Variants in TEKT2 observed in about 807,000 individuals in gnomAD.
TEKT2 encodes tektin-2.
TEKT2 carries 45 observed loss-of-function variants against 49.8 expected under a neutral mutation model. The observed-to-expected ratio is 0.90, with a 90% confidence interval of 0.71 to 1.16. TEKT2 has a LOEUF of 1.16. TEKT2 is among the 50% of genes most tolerant of loss of function. The pLI, the probability that TEKT2 is intolerant of heterozygous loss-of-function variation, is 0.00. For missense variants in TEKT2, 523 were observed against 551.4 expected (o/e 0.95, Z 0.52); for synonymous variants, 202 against 224.6 (o/e 0.90, Z 0.90).
rs1349964567 is a variant in TEKT2, at chr1:36,084,638, T to G, written c.-52-232T>G. On this transcript the variant is annotated intron_variant, in intron 1 of 9. Coordinates refer to ENST00000207457, the MANE Select transcript of TEKT2 (RefSeq NM_014466.3). The surrounding 1 kb of genome is among the most constrained non-coding windows in gnomAD (Gnocchi z 4.1). ...CTTCCGGGACTCCATTATTCCTTTT[T>G]ACCTGCTCCAGGACCTGCAAGGTCC... 3 of 551,966 alleles carry G rather than the reference T, an allele frequency of 5.4e-6. No homozygotes were observed. Among genetic ancestry groups the G allele is most frequent in the Non-Finnish European group, 9.8e-6 (3 of 307,266 alleles). The allele number at this position is 551,966 out of a possible 1,614,324, so 34.2% of individuals were successfully genotyped here. A position where few individuals can be genotyped will look rare whatever the true frequency, so the allele number is the denominator to read the frequency against.
Position 36,087,980 on chromosome 1 carries a change from C to G in TEKT2, c.1087C>G (p.Leu363Val). The G allele has an allele frequency of 1.2e-6, 2 of 1,609,914 alleles. No homozygotes were observed. Among genetic ancestry groups the G allele is most frequent in the Non-Finnish European group, 1.7e-6 (2 of 1,178,776 alleles). Residue 363 changes from leucine (L) to valine (V), a missense_variant, in exon 10 of 10, where the codon CTG (leucine) becomes GTG (valine). Physicochemically the swap from Leu to Val is conservative, Grantham distance 32 (BLOSUM62 1). Coordinates refer to ENST00000207457, the MANE Select transcript of TEKT2 (RefSeq NM_014466.3). This position sits in a 1 kb window ranked among gnomAD's most constrained non-coding sequence, Gnocchi z 4.9. ...KQKLAQAQDALDALCKHLARL... is the reference protein window; with the variant it reads ...KQKLAQAQDAVDALCKHLARL... Reference sequence around the variant, plus strand: ...GTCAATGTCCTTCCCTAGGGACGCACTGGACGCCCTGTGCAAGCACCTGGC... The same window carrying G: ...GTCAATGTCCTTCCCTAGGGACGCAGTGGACGCCCTGTGCAAGCACCTGGC...
rs894903279 is a variant in TEKT2 at position 36,087,624 on chromosome 1, G to T, written c.999+42G>T. ...GTGGCGCACGGGCCCCCTAGCCAAG[G>T]TTTTCTCATATTCCTGATGGAGCAA... On this transcript the variant is annotated intron_variant, in intron 8 of 9. Coordinates refer to ENST00000207457, the MANE Select transcript of TEKT2 (RefSeq NM_014466.3). The surrounding 1 kb of genome is among the most constrained non-coding windows in gnomAD (Gnocchi z 4.9). 6.2e-7 allele frequency: 1 copy of T among 1,613,428 alleles called. No individual in the cohort carries two copies. The highest frequency in any genetic ancestry group is 8.5e-7 in the Non-Finnish European group (1 of 1,179,934).
rs137953218 is a variant in TEKT2 at position 36,086,821 on chromosome 1, G to T, written c.606G>T (p.Lys202Asn). The T allele has an allele frequency of 1.2e-6, 2 of 1,614,008 alleles. No homozygotes were observed. Among genetic ancestry groups the T allele is most frequent in the Non-Finnish European group, 1.7e-6 (2 of 1,180,034 alleles). The part of the protein sequence containing the change: ...LNLRSPNISL[K>N]VDPTRVPDGS... ...TCAGATCCCCAAACATCTCGCTGAAGGTTGACCCCACACGTGTACCTGATG... is the reference window on the plus strand; with the variant it reads ...TCAGATCCCCAAACATCTCGCTGAATGTTGACCCCACACGTGTACCTGATG... Residue 202 changes from lysine to asparagine, a missense_variant, in exon 5 of 10, where the codon AAG becomes AAT. Physicochemically the swap from Lys to Asn is moderately conservative, Grantham distance 94. Coordinates refer to ENST00000207457, the MANE Select transcript of TEKT2 (RefSeq NM_014466.3).
intron 3 of TEKT2, 178 bp from the exon 4 acceptor site, chr1:36,085,655 GACT>G (rs1643360438): frequency 1.5e-6 from 1 of 685,708 alleles, no homozygotes; most frequent in Non-Finnish European, 2.5e-6. Context: ...AAGTAGCTGG[GACT>G]ACAGGCGTGC....
chr1:36,087,528 T>A lies in TEKT2; in HGVS notation c.945T>A (p.His315Gln), dbSNP rs149391093. The stretch of plus-strand genomic sequence containing the variant: ...AGCTCCTGAGCCTGAAGCTGTCCCA[T>A]ACCCGGCTAGAGGCCAGAACCTACC... ...RTKLLSLKLSHTRLEARTYRP... is the reference protein window; with the variant it reads ...RTKLLSLKLSQTRLEARTYRP... The change falls in exon 8 of 10, where the codon CAT becomes CAA. Residue 315 changes from histidine to glutamine, a missense_variant. Physicochemically the swap from His to Gln is conservative, Grantham distance 24 (BLOSUM62 0). Coordinates refer to ENST00000207457, the MANE Select transcript of TEKT2 (RefSeq NM_014466.3). This position sits in a 1 kb window ranked among gnomAD's most constrained non-coding sequence, Gnocchi z 4.9. The A allele has an allele frequency of 1.5e-5, 25 of 1,613,844 alleles. No individual in the cohort carries two copies. The highest frequency in any genetic ancestry group is 2.0e-5 in the Non-Finnish European group (24 of 1,180,024).
At chr1:36,086,100 A>T (rs1643369116) in intron 4 of TEKT2, 59 bp downstream of exon 4, 3 of 1,520,644 alleles carry the variant, frequency 2.0e-6, no homozygotes, top group Non-Finnish European at 2.7e-6. Flanking sequence ...TGTGCCTTCA[A>T]TGTGGAACAC....
chr1:36,087,560 A>G lies in TEKT2; in HGVS notation c.977A>G (p.Asn326Ser). 2 of 1,613,784 alleles carry G rather than the reference A, an allele frequency of 1.2e-6. No individual in the cohort carries two copies. Among genetic ancestry groups the G allele is most frequent in the Non-Finnish European group, 1.7e-6 (2 of 1,180,004 alleles). Residue 326 changes from asparagine to serine, a missense_variant, in exon 8 of 10, where the codon AAC becomes AGC. Asn to Ser is a conservative substitution (Grantham distance 46). Transcript: ENST00000207457. This position sits in a 1 kb window ranked among gnomAD's most constrained non-coding sequence, Gnocchi z 4.9. ...CTAGAGGCCAGAACCTACCGGCCCA[A>G]CGTGGAACTCTGCCGGGACCAGGTG... ...TRLEARTYRP[N>S]VELCRDQAQY...
intron 4 of TEKT2, among the ~76,000 whole-genome samples, chr1:36,086,340 C>G (rs1030193834): frequency 6.6e-6 from 1 of 152,220 alleles, no homozygotes; most frequent in East Asian, 1.9e-4. Context: ...TGTGTATGAG[C>G]CTTTGTGAGC....
rs142339092 is a variant in TEKT2, at chr1:36,085,037, G to A, written c.116G>A (p.Arg39His). The change falls in exon 2 of 10, where the codon CGC becomes CAC. Residue 39 changes from arginine to histidine, a missense_variant. Coordinates refer to ENST00000207457, the MANE Select transcript of TEKT2 (RefSeq NM_014466.3). ...QLQRDASHQI[R>H]QEARVLRNET... ...CAGCGAGATGCTTCCCATCAGATCCGCCAGGAGGCCCGGGTGCTCCGCAAC... is the reference window on the plus strand; with the variant it reads ...CAGCGAGATGCTTCCCATCAGATCCACCAGGAGGCCCGGGTGCTCCGCAAC... 8.0e-5 allele frequency: 129 copies of A among 1,614,092 alleles called. 3 individuals are homozygous for A. In the South Asian group the frequency reaches 1.3e-3, roughly 16 times the overall value.
Position 36,084,605 on chromosome 1 carries a change from C to T in TEKT2, c.-52-265C>T, listed in dbSNP as rs761897123. 6 of 488,720 alleles carry T rather than the reference C, an allele frequency of 1.2e-5. No homozygotes were observed. Among genetic ancestry groups the T allele is most frequent in the Non-Finnish European group, 2.2e-5 (6 of 267,806 alleles). The allele number at this position is 488,720 out of a possible 1,614,324, so 30.3% of individuals were successfully genotyped here. On this transcript the variant is annotated intron_variant, in intron 1 of 9. Coordinates refer to ENST00000207457, the MANE Select transcript of TEKT2 (RefSeq NM_014466.3). The surrounding 1 kb of genome is among the most constrained non-coding windows in gnomAD (Gnocchi z 4.1). The stretch of plus-strand genomic sequence containing the variant: ...CCAGGCATTTGGCACTTCACACACA[C>T]TTCGAGGCTTCCGGGACTCCATTAT...
At chr1:36,085,670 C>A in intron 3 of TEKT2, 166 bp from the exon 4 acceptor site, 1 of 705,428 alleles carries the variant, frequency 1.4e-6, no homozygotes, top group Non-Finnish European at 2.3e-6. Context: ...CAGGCGTGCG[C>A]CATCACTCCC....
chr1:36,085,191 C>T lies in TEKT2; in HGVS notation c.185C>T (p.Thr62Ile). The change falls in exon 3 of 10, where the codon ACT becomes ATT. Residue 62 changes from threonine (T) to isoleucine (I), a missense_variant. Thr to Ile is a moderately conservative substitution (Grantham distance 89, BLOSUM62 -1). Transcript: ENST00000207457. ...QTIWDEHDNR[T>I]RLVERIDTVN... ...ATTTGGGATGAACATGACAACAGGA[C>T]TCGACTGGTGGAGAGGATTGATACT... 1 of 1,614,244 alleles carries T rather than the reference C, an allele frequency of 6.2e-7. No individual in the cohort carries two copies. Among genetic ancestry groups the T allele is most frequent in the Non-Finnish European group, 8.5e-7 (1 of 1,180,046 alleles).
chr1:36,087,022 G>T lies in TEKT2; in HGVS notation c.724G>T (p.Ala242Ser), dbSNP rs372949873. ...EMKAATELRE[A>S]TALTIAETNN... ...GAAGGCAGCCACAGAGCTGAGGGAGGCCACTGCTCTAACTATTGCTGAGGT... is the reference window on the plus strand; with the variant it reads ...GAAGGCAGCCACAGAGCTGAGGGAGTCCACTGCTCTAACTATTGCTGAGGT... The change falls in exon 6 of 10, where the codon GCC becomes TCC. Residue 242 changes from alanine (A) to serine (S), a missense_variant. Coordinates refer to ENST00000207457, the MANE Select transcript of TEKT2 (RefSeq NM_014466.3). This position sits in a 1 kb window ranked among gnomAD's most constrained non-coding sequence, Gnocchi z 4.9. The T allele has an allele frequency of 3.7e-6, 6 of 1,613,984 alleles. No homozygotes were observed. Among genetic ancestry groups the T allele is most frequent in the Non-Finnish European group, 4.2e-6 (5 of 1,180,020 alleles).
rs1643341384 is a variant in TEKT2, at chr1:36,084,869, G to C, written c.-52-1G>C. On this transcript the variant is annotated splice_acceptor_variant, in intron 1 of 9. Transcript: ENST00000207457. LOFTEE classifies it low-confidence loss of function (5UTR_SPLICE). This position sits in a 1 kb window ranked among gnomAD's most constrained non-coding sequence, Gnocchi z 4.1. ...CCCGCAGCAGTGTTTTCCCTCTGCA[G>C]GTGGTGTCTGTGAACAGGCCTAGGG... The C allele has an allele frequency of 2.5e-6, 4 of 1,611,888 alleles. No individual in the cohort carries two copies. In the South Asian group the frequency reaches 4.4e-5, roughly 18 times the overall value.
At position 36,084,851 on chromosome 1, in the gene TEKT2, C is replaced by G. The variant is rs949937441; in HGVS notation, c.-52-19C>G. 2.7e-5 allele frequency: 44 copies of G among 1,606,836 alleles called. No individual in the cohort carries two copies. In the African/African-American group the frequency reaches 4.7e-4, roughly 17 times the overall value. On this transcript the variant is annotated intron_variant, in intron 1 of 9. Coordinates refer to ENST00000207457, the MANE Select transcript of TEKT2 (RefSeq NM_014466.3). This position sits in a 1 kb window ranked among gnomAD's most constrained non-coding sequence, Gnocchi z 4.1. The stretch of plus-strand genomic sequence containing the variant: ...AGGTCTCCGGAAAGGTCTCCCGCAG[C>G]AGTGTTTTCCCTCTGCAGGTGGTGT...
rs780571413 is a variant in TEKT2, at chr1:36,087,703, G to C, written c.1000-25G>C. On this transcript the variant is annotated intron_variant, in intron 8 of 9. Coordinates refer to ENST00000207457, the MANE Select transcript of TEKT2 (RefSeq NM_014466.3). This position sits in a 1 kb window ranked among gnomAD's most constrained non-coding sequence, Gnocchi z 4.9. ...GGTAAAGGACAGTGTGGCTGACTTG[G>C]AACTCCCAACCCCTCTGCCTCCAGG... The C allele has an allele frequency of 1.2e-6, 2 of 1,613,192 alleles. No homozygotes were observed. The highest frequency in any genetic ancestry group is 1.7e-5 in the Admixed American group (1 of 59,884).
chr1:36,086,031 G>A lies in TEKT2; in HGVS notation c.478G>A (p.Glu160Lys), dbSNP rs1474430938. 3 of 1,581,348 alleles carry A rather than the reference G, an allele frequency of 1.9e-6. No homozygotes were observed. The highest frequency in any genetic ancestry group is 1.8e-5 in the Admixed American group (1 of 54,518). Reference sequence around the variant, plus strand: ...GCAACAGAAGGTCAGCCAGGCCTTCGAGCAGCTCTGGTAAGGGAGAGGCAG... The same window carrying A: ...GCAACAGAAGGTCAGCCAGGCCTTCAAGCAGCTCTGGTAAGGGAGAGGCAG... ...ALQQKVSQAF[E>K]QLCLLQEVQQ... is the part of the protein sequence containing the mutation. Residue 160 changes from glutamate to lysine, a missense_variant, in exon 4 of 10, where the codon GAG (glutamate) becomes AAG (lysine). Coordinates refer to ENST00000207457, the MANE Select transcript of TEKT2 (RefSeq NM_014466.3).
At position 36,085,084 on chromosome 1, in the gene TEKT2, G is replaced by GA; in HGVS notation, c.156+8dup. 6.2e-7 allele frequency: 1 copy of GA among 1,614,218 alleles called. No individual in the cohort carries two copies. The highest frequency in any genetic ancestry group is 1.1e-5 in the South Asian group (1 of 91,090). ...CAACGAGACCAACAACCAGGTTGGGGATGGGAACTCAGCTGGGTGGGCAAA... is the reference window on the plus strand; with the variant it reads ...CAACGAGACCAACAACCAGGTTGGGGAATGGGAACTCAGCTGGGTGGGCAAA... On this transcript the variant is annotated splice_region_variant and intron_variant, in intron 2 of 9. Transcript: ENST00000207457.
Position 36,087,613 on chromosome 1 carries a change from CCCT to C in TEKT2, c.999+32_999+34del, listed in dbSNP as rs1643404320. The C allele has an allele frequency of 6.2e-7, 1 of 1,613,470 alleles. No homozygotes were observed. The highest frequency in any genetic ancestry group is 8.5e-7 in the Non-Finnish European group (1 of 1,179,952). On this transcript the variant is annotated intron_variant, in intron 8 of 9. Coordinates refer to ENST00000207457, the MANE Select transcript of TEKT2 (RefSeq NM_014466.3). This position sits in a 1 kb window ranked among gnomAD's most constrained non-coding sequence, Gnocchi z 4.9. ...AGGGTGTCCCAGTGGCGCACGGGCC[CCCT>C]AGCCAAGGTTTTCTCATATTCCTGA...
Sources: allele counts gnomAD v4.1 joint callset (sites outside exome capture counted in the v4.1 genomes callset), GRCh38; gene constraint gnomAD v4.1.1; non-coding constraint Gnocchi (gnomAD v3.1); transcripts MANE v1.5; gene names NCBI Gene and HGNC (gene_info 2026-07-23, HGNC 2026-07-21).